Variants in ANK2 observed in about 807,000 individuals in gnomAD.
ANK2 encodes ankyrin-2.
A neutral mutation model predicts 360.5 loss-of-function variants in ANK2; 83 were observed. That is an observed-to-expected ratio of 0.23 (90% confidence interval 0.19 to 0.28). The LOEUF is 0.28. ANK2 is among the 10% of genes least tolerant of loss of function. The pLI is 1.00. For missense variants in ANK2, 4,201 were observed against 4,795.7 expected, an observed-to-expected ratio of 0.88 and a Z score of 3.66; for synonymous variants, 1,740 against 1,759.5, an observed-to-expected ratio of 0.99 and a Z score of 0.28.
chr4:112,761,206 A>G, the ANK2 span, among the ~76,000 whole-genome samples: 1 of 152,220 alleles, frequency 6.6e-6, no homozygotes. Flanking sequence ...TTTTGGGCAT[A>G]CATATTTTAC....
At chr4:112,810,842 C>T in the ANK2 span, among the ~76,000 whole-genome samples, 1 of 152,190 alleles carries the variant, frequency 6.6e-6, no homozygotes, top group Non-Finnish European at 1.5e-5. Flanking sequence ...TGAGTCACCA[C>T]GCACAGCCCC....
intron 1 of ANK2, among the ~76,000 whole-genome samples, chr4:113,051,434 C>T (rs2066955480): frequency 6.6e-6 from 1 of 152,104 alleles, no homozygotes; most frequent in South Asian, 2.1e-4. Flanking sequence ...ACAACGAAAT[C>T]ATCCTATGTA....
chr4:113,240,682 T>G lies in ANK2; in HGVS notation c.792+99T>G, dbSNP rs564165075. ...TGGCTTTCTTAAAGATTTTACTTCT[T>G]TTTCCTTACCTGGGTCTGTGCTGGA... On this transcript the variant is annotated intron_variant, in intron 8 of 45. Transcript: ENST00000357077. 2.8e-6 allele frequency: 3 copies of G among 1,076,116 alleles called. No homozygotes were observed. The African/African-American group carries it at 4.7e-5, about 17-fold the overall frequency. The allele number at this position is 1,076,116 out of a possible 1,614,324, so 66.7% of individuals were successfully genotyped here. A position where few individuals can be genotyped will look rare whatever the true frequency, so the allele number is the denominator to read the frequency against.
At chr4:113,077,760 C>T (rs1167971329) in intron 1 of ANK2, among the ~76,000 whole-genome samples, 3 of 152,216 alleles carry the variant, frequency 2.0e-5, no homozygotes, top group Non-Finnish European at 4.4e-5. Flanking sequence ...TCACTTTTTA[C>T]AACTGGCTAC....
intron 2 of ANK2, among the ~76,000 whole-genome samples, chr4:112,925,158 A>G (rs2092365861): frequency 6.6e-6 from 1 of 152,158 alleles, no homozygotes. Context: ...TTTTATAATT[A>G]GAAACTACAT....
chr4:113,186,477 C>A (rs936857823), intron 2 of ANK2, among the ~76,000 whole-genome samples: 1 of 152,018 alleles, frequency 6.6e-6, no homozygotes, highest in Admixed American at 6.5e-5. Context: ...AAAAAAGATT[C>A]TAAACAGTTT....
rs540593012 is a variant in ANK2, at chr4:113,060,542, G to T, written c.84+10730G>T. Among the ~76,000 whole-genome samples, 189 of 152,026 alleles carry T rather than the reference G, an allele frequency of 1.2e-3. 2 individuals carry two copies. The highest frequency in any genetic ancestry group is 2.4e-3 in the Non-Finnish European group (166 of 67,980). ...ACTCTGCTTATCTCCAAACCCCTGTGCTATGTGAATACAACAATCTTTTAC... is the reference window on the plus strand; with the variant it reads ...ACTCTGCTTATCTCCAAACCCCTGTTCTATGTGAATACAACAATCTTTTAC... On this transcript the variant is annotated intron_variant, in intron 1 of 45. Coordinates refer to ENST00000357077, the MANE Select transcript of ANK2 (RefSeq NM_001148.6).
rs202045447 is a variant in ANK2, at chr4:113,354,021, C to G, written c.5403C>G (p.Thr1801=). 2.6e-5 allele frequency: 42 copies of G among 1,614,036 alleles called. No individual in the cohort carries two copies. Among genetic ancestry groups the G allele is most frequent in the Middle Eastern group, 1.7e-4 (1 of 6,058 alleles). ...VKGKEDVPKK[T]THRPHPAASP... is the part of the protein sequence containing the mutation. ...GCAAGGAGGACGTGCCAAAAAAGAC[C>G]ACCCACAGGCCACATCCAGCTGCGT... The change falls in exon 38 of 46, where the codon ACC becomes ACG. Residue 1801 remains threonine, a synonymous_variant. Transcript: ENST00000357077.
intron 1 of ANK2, among the ~76,000 whole-genome samples, chr4:113,069,536 A>G (rs578203549): frequency 8.8e-4 from 134 of 152,288 alleles, no homozygotes; most frequent in African/African-American, 3.0e-3. Flanking sequence ...TAAAAGCCAA[A>G]ATTACCTTTT....
chr4:113,099,713 C>A (rs115357274), intron 1 of ANK2, among the ~76,000 whole-genome samples: 125 of 151,874 alleles, frequency 8.2e-4, no homozygotes, highest in African/African-American at 2.9e-3. Flanking sequence ...CTGACACTAC[C>A]CAACTTAAGA....
chr4:112,705,708 A>G, the ANK2 span, among the ~76,000 whole-genome samples: 2 of 152,200 alleles, frequency 1.3e-5, no homozygotes, highest in Non-Finnish European at 2.9e-5. Context: ...ATATAGACAT[A>G]TTTCTGGGAG....
chr4:113,329,338 C>T (rs1332230661), intron 26 of ANK2, among the ~76,000 whole-genome samples: 1 of 152,176 alleles, frequency 6.6e-6, no homozygotes, highest in Non-Finnish European at 1.5e-5. Flanking sequence ...TCTTGGTACA[C>T]TTAAAGAAAC....
At chr4:113,151,105 A>G (rs1188362545) in intron 1 of ANK2, 1 of 1,289,170 alleles carries the variant, frequency 7.8e-7, no homozygotes, top group Admixed American at 2.3e-5. Flanking sequence ...ATGAAACCAG[A>G]GGCCGCCAAC....
intron 13 of ANK2, among the ~76,000 whole-genome samples, chr4:113,263,025 T>G (rs959953059): frequency 1.3e-5 from 2 of 151,286 alleles, no homozygotes; most frequent in African/African-American, 4.9e-5. Context: ...CCATCTCTAC[T>G]AAAATTACAA....
At chr4:112,723,688 C>T in the ANK2 span, among the ~76,000 whole-genome samples, 218 of 152,140 alleles carry the variant, frequency 1.4e-3, no homozygotes, top group South Asian at 0.013. Context: ...TTAGCTGTCT[C>T]GTCAAGGACT....
At chr4:113,274,269 G>A (rs1002622311) in intron 14 of ANK2, among the ~76,000 whole-genome samples, 183 bp from the exon 15 acceptor site, 2 of 152,210 alleles carry the variant, frequency 1.3e-5, no homozygotes, top group Non-Finnish European at 2.9e-5. Flanking sequence ...GGGAGACTTT[G>A]TGACCAACAG....
At chr4:113,364,969 G>A (rs2154052108) in intron 40 of ANK2, 70 bp from the exon 41 acceptor site, 1 of 1,584,776 alleles carries the variant, frequency 6.3e-7, no homozygotes, top group East Asian at 2.2e-5. Context: ...ATTTAGTAAG[G>A]CAGTTGAGTG....
intron 1 of ANK2, among the ~76,000 whole-genome samples, chr4:112,898,756 A>G (rs900876094): frequency 3.3e-5 from 5 of 152,240 alleles, no homozygotes; most frequent in African/African-American, 4.8e-5. Context: ...TCTAATGAAC[A>G]TAGACGTAAA....
chr4:113,049,566 A>C, upstream of ANK2: 8 of 1,388,210 alleles, frequency 5.8e-6, no homozygotes, highest in Non-Finnish European at 7.7e-6. Flanking sequence ...CAGTTGTGGC[A>C]GCTGCTGCCA....
Sources: gnomAD v4.1 joint callset for allele counts (sites outside exome capture counted in the v4.1 genomes callset) on GRCh38, gnomAD v4.1.1 for gene constraint, MANE v1.5 for transcripts, NCBI Gene and HGNC (gene_info 2026-07-23, HGNC 2026-07-21) for gene names.